The following AGMO variants were observed in gnomAD, a reference collection of about 807,000 sequenced individuals.
The protein encoded by AGMO is alkylglycerol monooxygenase.
In AGMO, 75 loss-of-function variants were observed where a neutral mutation model predicts 60.2. The ratio of observed to expected loss-of-function variants is 1.25; its 90% CI spans 1.03 to 1.51. The LOEUF (loss-of-function observed/expected upper bound fraction) is 1.51, where lower values mean the gene tolerates loss of function less well. AGMO is among the 40% of genes most tolerant of loss of function. The probability of loss-of-function intolerance (pLI) is 0.00; values close to 1 mark genes in which losing one functional copy is unlikely to be tolerated. For missense variants in AGMO, 763 were observed against 525.5 expected (o/e 1.45, Z -4.42); for synonymous variants, 261 against 177.1 (o/e 1.47, Z -3.76).
chr7:15,340,303 A>G (rs752360868), intron 12 of AGMO, among the ~76,000 whole-genome samples: 8 of 152,212 alleles, frequency 5.3e-5, no homozygotes, highest in African/African-American at 1.9e-4. Context: ...TTGTGGTATC[A>G]TATCAGTACT....
At chr7:15,286,504 A>C (rs1784104157) in intron 12 of AGMO, among the ~76,000 whole-genome samples, 1 of 152,160 alleles carries the variant, frequency 6.6e-6, no homozygotes, top group African/African-American at 2.4e-5. Flanking sequence ...AAGAAAATTC[A>C]AATTAAAACC....
chr7:15,239,645 T>A (rs1450805447), intron 12 of AGMO, among the ~76,000 whole-genome samples: 1 of 152,066 alleles, frequency 6.6e-6, no homozygotes, highest in African/African-American at 2.4e-5. Context: ...TCAGTATGAG[T>A]TTAAAGCCCC....
intron 12 of AGMO, among the ~76,000 whole-genome samples, chr7:15,342,519 T>C (rs908350876): frequency 1.3e-5 from 2 of 151,980 alleles, no homozygotes; most frequent in South Asian, 2.1e-4. Flanking sequence ...GGTTTACTAG[T>C]ATATTGAGAG....
chr7:15,406,228 T>TACACACACACACACACACACACAC (rs61400312), intron 5 of AGMO, among the ~76,000 whole-genome samples: 24 of 136,446 alleles, frequency 1.8e-4, no homozygotes, highest in African/African-American at 6.6e-4. Flanking sequence ...TTGTTTGGAA[T>TACACACACACACACACACACACAC]ACACACACAC....
In AGMO at chr7:15,371,161, C is replaced by T. The variant is rs575095713; in HGVS notation, c.1075-4939G>A. Among the ~76,000 whole-genome samples the T allele has an allele frequency of 1.4e-4, 21 of 151,934 alleles. No individual in the cohort carries two copies. In the South Asian group the frequency reaches 4.4e-3, roughly 32 times the overall value. ...ACCTAAGACCTCAAACTATAAAAAC[C>T]CTAGAAGAAAACATTAATACAATTA... On this transcript the variant is annotated intron_variant, in intron 10 of 12. Coordinates refer to ENST00000342526, the MANE Select transcript of AGMO (RefSeq NM_001004320.2).
Position 15,367,148 on chromosome 7 carries a change from A to G in AGMO, c.1075-926T>C, listed in dbSNP as rs184948994. 2.5e-3 allele frequency among the ~76,000 whole-genome samples: 387 copies of G among 151,990 alleles called. 3 individuals are homozygous for G. The highest frequency in any genetic ancestry group is 7.3e-3 in the South Asian group (35 of 4,822). ...GACTTTCCTTTAAATATTTGTCTCAATTTTAGTCTGGTCTTTTGTACTTTT... is the reference window on the plus strand; with the variant it reads ...GACTTTCCTTTAAATATTTGTCTCAGTTTTAGTCTGGTCTTTTGTACTTTT... On this transcript the variant is annotated intron_variant, in intron 10 of 12. Coordinates refer to ENST00000342526, the MANE Select transcript of AGMO (RefSeq NM_001004320.2).
chr7:15,307,849 A>T (rs1780660192), intron 12 of AGMO, among the ~76,000 whole-genome samples: 1 of 152,004 alleles, frequency 6.6e-6, no homozygotes. Flanking sequence ...AATTTACAAG[A>T]CTAAATAAGA....
At chr7:15,123,672 A>G in the AGMO span, among the ~76,000 whole-genome samples, 2 of 152,076 alleles carry the variant, frequency 1.3e-5, no homozygotes, top group Admixed American at 6.6e-5. Context: ...AAACATGAAC[A>G]TAAGATAAAT....
At chr7:15,468,668 G>A (rs1413786897) in intron 3 of AGMO, among the ~76,000 whole-genome samples, 2 of 151,944 alleles carry the variant, frequency 1.3e-5, no homozygotes, top group Non-Finnish European at 2.9e-5. Context: ...TTACATATAT[G>A]AACATAAAAT....
chr7:15,506,946 A>G (rs1447161495), intron 3 of AGMO, among the ~76,000 whole-genome samples: 1 of 152,050 alleles, frequency 6.6e-6, no homozygotes, highest in Non-Finnish European at 1.5e-5. Flanking sequence ...GAGCAAGAAA[A>G]AAGAATTGTG....
At chr7:15,250,383 G>A (rs532120069) in intron 12 of AGMO, among the ~76,000 whole-genome samples, 1 of 152,106 alleles carries the variant, frequency 6.6e-6, no homozygotes, top group Admixed American at 6.6e-5. Flanking sequence ...GTAGCAAAAC[G>A]TGTGTAATTA....
At chr7:15,560,315 T>C in intron 1 of AGMO, 44 bp from the exon 2 acceptor site, 1 of 1,578,826 alleles carries the variant, frequency 6.3e-7, no homozygotes, top group Non-Finnish European at 8.6e-7. Context: ...ATGTTCCATA[T>C]GAAATTATTT....
At chr7:15,531,082 CTA>C (rs1427454051) in intron 3 of AGMO, among the ~76,000 whole-genome samples, 8,452 of 15,792 alleles carry the variant, frequency 0.54, 2,907 homozygotes, top group East Asian at 0.82. Flanking sequence ...TATATATATT[CTA>C]TATATATATT....
intron 5 of AGMO, among the ~76,000 whole-genome samples, chr7:15,395,329 GAT>G (rs941547913): frequency 2.0e-5 from 3 of 151,624 alleles, no homozygotes; most frequent in South Asian, 2.1e-4. Flanking sequence ...AAGAAATAGA[GAT>G]AAGACTGCTT....
intron 3 of AGMO, among the ~76,000 whole-genome samples, chr7:15,518,224 G>T (rs1562548205): frequency 6.6e-6 from 1 of 152,172 alleles, no homozygotes; most frequent in Non-Finnish European, 1.5e-5. Context: ...CCTGGGGGAA[G>T]GGGCAGCTGT....
At chr7:15,518,759 C>A (rs191117783) in intron 3 of AGMO, among the ~76,000 whole-genome samples, 2 of 152,094 alleles carry the variant, frequency 1.3e-5, no homozygotes, top group African/African-American at 4.8e-5. Context: ...TGCCTCTTCT[C>A]CTCCAAAGTA....
chr7:15,373,021 T>C (rs192892442), intron 10 of AGMO, among the ~76,000 whole-genome samples: 2,531 of 152,282 alleles, frequency 0.017, 51 homozygotes, highest in Middle Eastern at 0.027. Flanking sequence ...CCCAGCACTT[T>C]GGGAAGCTGA....
intron 12 of AGMO, among the ~76,000 whole-genome samples, chr7:15,258,174 G>C (rs1388205674): frequency 6.6e-6 from 1 of 152,128 alleles, no homozygotes; most frequent in Admixed American, 6.5e-5. Flanking sequence ...TTAGTTATGA[G>C]CCAATATCTT....
At chr7:15,164,757 A>G in the AGMO span, among the ~76,000 whole-genome samples, 1 of 152,142 alleles carries the variant, frequency 6.6e-6, no homozygotes, top group Non-Finnish European at 1.5e-5. Context: ...AAATATTAGC[A>G]AGGATGCAGA....
Sources: gnomAD v4.1 joint callset for allele counts (sites outside exome capture counted in the v4.1 genomes callset) on GRCh38, gnomAD v4.1.1 for gene constraint, MANE v1.5 for transcripts, NCBI Gene and HGNC (gene_info 2026-07-23, HGNC 2026-07-21) for gene names.